Variants in PTPRC observed in about 807,000 individuals in gnomAD.
PTPRC encodes protein tyrosine phosphatase receptor type C.
In PTPRC, 44 loss-of-function variants were observed where a neutral mutation model predicts 155.9. The observed-to-expected ratio is 0.28, with a 90% CI of 0.22 to 0.36. PTPRC has a LOEUF of 0.36. Ranked by LOEUF, PTPRC falls within the 10% of genes least tolerant of loss-of-function variation. The pLI, the probability that PTPRC is intolerant of heterozygous loss-of-function variation, is 1.00. For synonymous variants in PTPRC, 525 were observed against 533.1 expected, an observed-to-expected ratio of 0.98 and a Z score of 0.21; for missense variants, 1,401 against 1,564.6, an observed-to-expected ratio of 0.90 and a Z score of 1.76.
chr1:198,737,346 A>AT (rs34364205), intron 23 of PTPRC, among the ~76,000 whole-genome samples: 97 of 151,158 alleles, frequency 6.4e-4, no homozygotes, highest in Non-Finnish European at 1.1e-3. Context: ...AGTCTAATCC[A>AT]TTTTTTTTAT....
At chr1:198,734,293 T>C (rs753966031) in intron 21 of PTPRC, 35 bp from the exon 22 acceptor site, 2 of 1,609,454 alleles carry the variant, frequency 1.2e-6, no homozygotes, top group Non-Finnish European at 1.7e-6. Context: ...TTTAAGAAAA[T>C]TTTTCTTATC....
intron 2 of PTPRC, among the ~76,000 whole-genome samples, chr1:198,660,052 T>C (rs1345041674): frequency 3.7e-5 from 2 of 54,326 alleles, no homozygotes; most frequent in Non-Finnish European, 3.6e-5. Flanking sequence ...TATATATATA[T>C]ATATATATAT....
At chr1:198,749,602 T>G in intron 28 of PTPRC, 53 bp downstream of exon 28, 1 of 1,555,858 alleles carries the variant, frequency 6.4e-7, no homozygotes, top group Non-Finnish European at 8.8e-7. Flanking sequence ...AAATAATATC[T>G]ATGTTATTAG....
intron 10 of PTPRC, among the ~76,000 whole-genome samples, chr1:198,708,741 A>G (rs923281462): frequency 1.3e-5 from 2 of 152,254 alleles, no homozygotes; most frequent in Non-Finnish European, 2.9e-5. Context: ...GAAAGCAGAA[A>G]AAGAACAGCA....
intron 22 of PTPRC, among the ~76,000 whole-genome samples, chr1:198,734,741 T>C (rs1020509274): frequency 1.3e-5 from 2 of 151,758 alleles, no homozygotes; most frequent in Non-Finnish European, 2.9e-5. Flanking sequence ...ACCTTAATAC[T>C]CGAAACAAAA....
chr1:198,679,983 C>G (rs1665212915), intron 2 of PTPRC: 1 of 619,368 alleles, frequency 1.6e-6, no homozygotes, highest in African/African-American at 1.9e-5. Context: ...AGTGCTGCGG[C>G]TGCCCGTCCA....
intron 14 of PTPRC, among the ~76,000 whole-genome samples, chr1:198,718,773 T>C (rs896824720): frequency 6.6e-6 from 1 of 152,184 alleles, no homozygotes; most frequent in African/African-American, 2.4e-5. Context: ...TGTCTACTGA[T>C]CGTATTTTGT....
chr1:198,650,031 G>A (rs2102209422), intron 2 of PTPRC, among the ~76,000 whole-genome samples: 1 of 151,862 alleles, frequency 6.6e-6, no homozygotes, highest in African/African-American at 2.4e-5. Context: ...ACAAGAATAT[G>A]GGGATCCATG....
At chr1:198,737,521 A>G (rs924192021) in intron 23 of PTPRC, among the ~76,000 whole-genome samples, 11 of 151,252 alleles carry the variant, frequency 7.3e-5, no homozygotes, top group Non-Finnish European at 1.2e-4. Context: ...TCATTGCTCT[A>G]TGTATGTTTT....
At chr1:198,675,663 T>A (rs1664911802) in intron 2 of PTPRC, among the ~76,000 whole-genome samples, 1 of 152,194 alleles carries the variant, frequency 6.6e-6, no homozygotes, top group South Asian at 2.1e-4. Context: ...GTAAGACTAT[T>A]TTTATATCTC....
At chr1:198,726,007 G>A (rs1354569560) in intron 15 of PTPRC, among the ~76,000 whole-genome samples, 3 of 152,136 alleles carry the variant, frequency 2.0e-5, no homozygotes, top group South Asian at 2.1e-4. Flanking sequence ...AAAGAAGGGG[G>A]AAACACATGT....
chr1:198,750,229 G>T (rs939725529), intron 28 of PTPRC: 3 of 459,254 alleles, frequency 6.5e-6, no homozygotes, highest in Non-Finnish European at 1.2e-5. Flanking sequence ...AAACAAAAAT[G>T]TGTGTCTTTT....
intron 24 of PTPRC, 70 bp downstream of exon 24, chr1:198,742,096 GT>G: frequency 1.9e-6 from 3 of 1,602,980 alleles, no homozygotes; most frequent in Non-Finnish European, 2.6e-6. Context: ...GCCTAGGGCT[GT>G]TAGAGACATC....
chr1:198,748,255 T>G, intron 27 of PTPRC, 56 bp downstream of exon 27: 1 of 1,544,350 alleles, frequency 6.5e-7, no homozygotes. Context: ...TCTTTTGGAT[T>G]TGTTTAATGT....
intron 31 of PTPRC, 96 bp downstream of exon 31, chr1:198,752,868 C>T (rs1655451669): frequency 3.7e-6 from 5 of 1,368,974 alleles, no homozygotes; most frequent in East Asian, 4.7e-5. Context: ...ATATGAAACA[C>T]ATAACCACAG....
intron 2 of PTPRC, among the ~76,000 whole-genome samples, chr1:198,650,583 T>C (rs1663193583): frequency 6.6e-6 from 1 of 151,834 alleles, no homozygotes; most frequent in African/African-American, 2.4e-5. Context: ...GTTTGGGCTG[T>C]TATTGATGTC....
At chr1:198,695,777 T>C (rs1323740211) in intron 3 of PTPRC, among the ~76,000 whole-genome samples, 1 of 152,240 alleles carries the variant, frequency 6.6e-6, no homozygotes, top group Non-Finnish European at 1.5e-5. Flanking sequence ...TTGTAGACTT[T>C]GGTTGTTTGT....
chr1:198,754,889 C>G (rs1571898801), intron 32 of PTPRC, among the ~76,000 whole-genome samples: 1 of 152,082 alleles, frequency 6.6e-6, no homozygotes, highest in Admixed American at 6.6e-5. Flanking sequence ...TTTGGCTGGT[C>G]TAAAGTGACC....
intron 25 of PTPRC, among the ~76,000 whole-genome samples, chr1:198,743,202 T>C (rs974258801): frequency 6.6e-6 from 1 of 151,584 alleles, no homozygotes; most frequent in Non-Finnish European, 1.5e-5. Flanking sequence ...TATGTTGTGG[T>C]AGAAAGCAAT....
Sources: gnomAD v4.1 joint callset for allele counts (sites outside exome capture counted in the v4.1 genomes callset) on GRCh38, gnomAD v4.1.1 for gene constraint, MANE v1.5 for transcripts, NCBI Gene and HGNC (gene_info 2026-07-23, HGNC 2026-07-21) for gene names.